RORB: variants seen among roughly 807,000 people sequenced by gnomAD.
RORB encodes nuclear receptor ROR-beta.
Under a neutral mutation model 59.1 loss-of-function variants are expected in RORB, and 6 were observed. The ratio of observed to expected loss-of-function variants is 0.10; its 90% CI spans 0.06 to 0.20. The LOEUF is 0.20. RORB is among the 10% of genes least tolerant of loss of function. The pLI, the probability that RORB is intolerant of heterozygous loss-of-function variation, is 1.00. For synonymous variants in RORB, 215 were observed against 204.5 expected (o/e 1.05, Z -0.44); for missense variants, 320 against 560.5 (o/e 0.57, Z 4.33).
intron 2 of RORB, 73 bp downstream of exon 2, chr9:74,630,440 C>T (rs142037716): frequency 1.2e-5 from 13 of 1,092,938 alleles, no homozygotes; most frequent in Non-Finnish European, 1.7e-5. Flanking sequence ...TGCGGTGACA[C>T]GTTTTTAAGG....
At chr9:74,675,036 GAA>G (rs144554581) in intron 9 of RORB, among the ~76,000 whole-genome samples, 2 of 151,402 alleles carry the variant, frequency 1.3e-5, no homozygotes, top group Non-Finnish European at 2.9e-5. Context: ...GTTGTTGACA[GAA>G]AAAAAAATTA....
At chr9:74,603,144 G>C (rs1298697387) in intron 1 of RORB, among the ~76,000 whole-genome samples, 1 of 152,176 alleles carries the variant, frequency 6.6e-6, no homozygotes, top group Non-Finnish European at 1.5e-5. Flanking sequence ...CAAGTCAGAA[G>C]AGTTTCAGGT....
At chr9:74,630,586 TG>T (rs1238704092) in intron 2 of RORB, among the ~76,000 whole-genome samples, 1 of 152,162 alleles carries the variant, frequency 6.6e-6, no homozygotes, top group South Asian at 2.1e-4. Context: ...TCTTTAAAAA[TG>T]GATGCGTATT....
chr9:74,660,913 A>G (rs1195746195), intron 5 of RORB, among the ~76,000 whole-genome samples, 175 bp downstream of exon 5: 1 of 152,172 alleles, frequency 6.6e-6, no homozygotes, highest in Non-Finnish European at 1.5e-5. Context: ...CATCGCCCTC[A>G]CACACACTTG....
chr9:74,636,213 G>T (rs1410159307), intron 3 of RORB, among the ~76,000 whole-genome samples: 1 of 152,144 alleles, frequency 6.6e-6, no homozygotes, highest in Non-Finnish European at 1.5e-5. Flanking sequence ...AATTATATGG[G>T]AATCTGAGTT....
rs192795899 is a variant in RORB at position 74,680,087 on chromosome 9, G to A, written c.1225-5376G>A. On this transcript the variant is annotated intron_variant, in intron 9 of 9. Coordinates refer to ENST00000376896, the MANE Select transcript of RORB (RefSeq NM_006914.4). The stretch of plus-strand genomic sequence containing the variant: ...CACTGCATTTCAGCCTGTCAACAGA[G>A]CGAGACTGTGTCTCTAAACAAATAA... 2.9e-3 allele frequency among the ~76,000 whole-genome samples: 444 copies of A among 152,288 alleles called. 2 individuals carry two copies. The highest frequency in any genetic ancestry group is 0.01 in the African/African-American group (417 of 41,552).
At chr9:74,635,213 C>T (rs569114555) in intron 3 of RORB, among the ~76,000 whole-genome samples, 1 of 152,294 alleles carries the variant, frequency 6.6e-6, no homozygotes, top group South Asian at 2.1e-4. Flanking sequence ...TTGCATATGC[C>T]TCTATGGGAA....
At chr9:74,616,652 C>T (rs1489116445) in intron 1 of RORB, among the ~76,000 whole-genome samples, 1 of 152,156 alleles carries the variant, frequency 6.6e-6, no homozygotes, top group African/African-American at 2.4e-5. Flanking sequence ...ATTAATAACA[C>T]TAGACATACT....
At chr9:74,633,449 T>G (rs914128267) in intron 2 of RORB, among the ~76,000 whole-genome samples, 3 of 152,186 alleles carry the variant, frequency 2.0e-5, no homozygotes, top group Admixed American at 6.5e-5. Context: ...CAAAAGATGA[T>G]GCTATGGGAT....
intron 1 of RORB, among the ~76,000 whole-genome samples, chr9:74,529,422 A>G (rs1211742033): frequency 6.6e-6 from 1 of 151,792 alleles, no homozygotes; most frequent in Non-Finnish European, 1.5e-5. Context: ...AACTCTCCAT[A>G]GTTTCTGCTC....
At chr9:74,671,987 CA>C (rs1824354185) in intron 9 of RORB, 86 bp downstream of exon 9, 1 of 677,612 alleles carries the variant, frequency 1.5e-6, no homozygotes, top group African/African-American at 1.8e-5. Context: ...GGAAATTTCT[CA>C]GCAGCAACAA....
At position 74,612,557 on chromosome 9, in the gene RORB, T is replaced by G. The variant is rs149971286; in HGVS notation, c.8-17725T>G. Among the ~76,000 whole-genome samples, 1,100 of 152,332 alleles carry G rather than the reference T, an allele frequency of 7.2e-3. 18 individuals carry two copies. The highest frequency in any genetic ancestry group is 0.025 in the African/African-American group (1,044 of 41,570). On this transcript the variant is annotated intron_variant, in intron 1 of 9. Coordinates refer to ENST00000376896, the MANE Select transcript of RORB (RefSeq NM_006914.4). ...CCTGTCTCCAACTCTGCCCTTTGTT[T>G]CTAGGCGACAAGCATACTCTGTGCT...
chr9:74,655,806 T>C (rs913120155), intron 4 of RORB, among the ~76,000 whole-genome samples: 4 of 152,188 alleles, frequency 2.6e-5, no homozygotes, highest in Non-Finnish European at 5.9e-5. Context: ...CTTGCTCCCA[T>C]GAGACCAAGT....
intron 2 of RORB, among the ~76,000 whole-genome samples, chr9:74,633,380 T>G (rs1823650992): frequency 6.6e-6 from 1 of 152,202 alleles, no homozygotes; most frequent in Admixed American, 6.5e-5. Context: ...TATTCCAGGC[T>G]TCTCTGCAAG....
intron 1 of RORB, among the ~76,000 whole-genome samples, chr9:74,499,776 G>C (rs1825781924): frequency 6.6e-6 from 1 of 152,104 alleles, no homozygotes; most frequent in African/African-American, 2.4e-5. Flanking sequence ...CCAGTCCAGA[G>C]CTGCCAGTTC....
At chr9:74,648,732 T>G (rs1348372352) in intron 4 of RORB, among the ~76,000 whole-genome samples, 1 of 151,726 alleles carries the variant, frequency 6.6e-6, no homozygotes, top group Non-Finnish European at 1.5e-5. Context: ...AACAAAACAA[T>G]AAAAACAAGA....
chr9:74,593,307 A>G (rs952328093), intron 1 of RORB, among the ~76,000 whole-genome samples: 2 of 151,972 alleles, frequency 1.3e-5, no homozygotes, highest in African/African-American at 4.8e-5. Context: ...TCTCTACTAA[A>G]AATACAAAAT....
chr9:74,511,658 G>A (rs1049045758), intron 1 of RORB, among the ~76,000 whole-genome samples: 3 of 150,416 alleles, frequency 2.0e-5, no homozygotes, highest in Non-Finnish European at 4.4e-5. Flanking sequence ...AGTTACTCTG[G>A]CATAGTAATA....
rs748084152 is a variant in RORB, at chr9:74,642,746, C to T, written c.568C>T (p.Pro190Ser). The T allele has an allele frequency of 5.0e-6, 8 of 1,613,906 alleles. No homozygotes were observed. The East Asian group carries it at 1.6e-4, about 31-fold the overall frequency. Residue 190 changes from proline (P) to serine (S), a missense_variant, in exon 4 of 10, where the codon CCC becomes TCC. This residue lies in a region of RORB where 134 missense variants were observed against 156.2 expected (regional missense o/e 0.86). Transcript: ENST00000376896. ...QEPIYDLTSV[P>S]NLFTYSSFNN... ...ACCTATCTATGACCTCACATCCGTA[C>T]CCAACTTGTTTACCTATAGCTCTTT...
Sources: gnomAD v4.1 joint callset for allele counts (sites outside exome capture counted in the v4.1 genomes callset) on GRCh38, gnomAD v4.1.1 for gene constraint, gnomAD v4.1.1 regional missense constraint, MANE v1.5 for transcripts, NCBI Gene and HGNC (gene_info 2026-07-23, HGNC 2026-07-21) for gene names.